The following GALNTL6 variants were observed in gnomAD, a reference collection of about 807,000 sequenced individuals.
GALNTL6 encodes the protein polypeptide N-acetylgalactosaminyltransferase-like 6.
Under a neutral mutation model 73.7 loss-of-function variants are expected in GALNTL6, and 46 were observed. The observed-to-expected ratio is 0.62, with a 90% CI of 0.49 to 0.80. The LOEUF (loss-of-function observed/expected upper bound fraction) is 0.80, where lower values mean the gene tolerates loss of function less well. Ranked by LOEUF, GALNTL6 falls within the 30% of genes least tolerant of loss-of-function variation. The pLI is 0.00. For missense variants in GALNTL6, 604 were observed against 755.0 expected, an observed-to-expected ratio of 0.80 and a Z score of 2.34; for synonymous variants, 259 against 263.7, an observed-to-expected ratio of 0.98 and a Z score of 0.17.
rs553524858 is a variant in GALNTL6, at chr4:172,746,495, A to G, written c.554-62866A>G. Among the ~76,000 whole-genome samples, 15 of 152,088 alleles carry G rather than the reference A, an allele frequency of 9.9e-5. No individual in the cohort carries two copies. The South Asian group carries it at 3.1e-3, about 32-fold the overall frequency. On this transcript the variant is annotated intron_variant, in intron 5 of 12. Coordinates refer to ENST00000506823, the MANE Select transcript of GALNTL6 (RefSeq NM_001034845.3). ...TTTATAGTATCTAAGCCTTTTTCTCAATGTTTCTAAGTCTCCATTTTTATT... is the reference window on the plus strand; with the variant it reads ...TTTATAGTATCTAAGCCTTTTTCTCGATGTTTCTAAGTCTCCATTTTTATT...
At chr4:172,844,877 A>C (rs542370141) in intron 7 of GALNTL6, among the ~76,000 whole-genome samples, 11 of 152,330 alleles carry the variant, frequency 7.2e-5, no homozygotes, top group African/African-American at 2.6e-4. Flanking sequence ...AAAGAAAAAA[A>C]GTCCTCATTC....
chr4:172,670,489 T>C (rs1007300568), intron 5 of GALNTL6, among the ~76,000 whole-genome samples: 1 of 152,196 alleles, frequency 6.6e-6, no homozygotes, highest in Non-Finnish European at 1.5e-5. Flanking sequence ...ACTCTTTTTA[T>C]GGTGTTGTTT....
At chr4:171,831,368 T>G (rs1163615551) in intron 2 of GALNTL6, among the ~76,000 whole-genome samples, 1 of 151,848 alleles carries the variant, frequency 6.6e-6, no homozygotes, top group Non-Finnish European at 1.5e-5. Context: ...TGGGGAAAAA[T>G]GTCTTACTGT....
chr4:172,647,107 C>T (rs1450241081), intron 5 of GALNTL6, among the ~76,000 whole-genome samples: 1 of 151,988 alleles, frequency 6.6e-6, no homozygotes, highest in Admixed American at 6.6e-5. Context: ...TTTTGTTATT[C>T]ACCACACAAG....
intron 2 of GALNTL6, among the ~76,000 whole-genome samples, chr4:172,182,618 G>GT (rs1253374422): frequency 6.7e-6 from 1 of 150,178 alleles, no homozygotes; most frequent in African/African-American, 2.4e-5. Flanking sequence ...ACTCCCCTGA[G>GT]GGAATATCCA....
chr4:172,495,786 A>T (rs558794112), intron 5 of GALNTL6, among the ~76,000 whole-genome samples: 1 of 152,258 alleles, frequency 6.6e-6, no homozygotes, highest in South Asian at 2.1e-4. Flanking sequence ...GCTTCTATTG[A>T]TGTTAAGGTT....
rs1736511368 is a variant in GALNTL6, at chr4:172,216,844, G to T, written c.139-12812G>T. Reference sequence around the variant, plus strand: ...GTTTTATACAGTTTAAGGAGGCATGGGACATCAATCAAGGACATTTAAGAA... The same window carrying T: ...GTTTTATACAGTTTAAGGAGGCATGTGACATCAATCAAGGACATTTAAGAA... On this transcript the variant is annotated intron_variant, in intron 2 of 12. Transcript: ENST00000506823. Among the ~76,000 whole-genome samples the T allele has an allele frequency of 2.0e-5, 3 of 152,154 alleles. No homozygotes were observed. In the South Asian group the frequency reaches 6.2e-4, roughly 32 times the overall value.
chr4:172,945,168 A>T (rs748320136), intron 9 of GALNTL6, among the ~76,000 whole-genome samples: 2 of 152,204 alleles, frequency 1.3e-5, no homozygotes, highest in Non-Finnish European at 2.9e-5. Context: ...GCCAGACAAA[A>T]AGAGCACATA....
intron 5 of GALNTL6, among the ~76,000 whole-genome samples, chr4:172,688,444 T>C (rs981127698): frequency 1.3e-5 from 2 of 152,172 alleles, no homozygotes; most frequent in Non-Finnish European, 2.9e-5. Context: ...GTTTTCTTCT[T>C]GAGAAGAGGA....
chr4:172,832,422 T>G (rs1560981998), intron 7 of GALNTL6, among the ~76,000 whole-genome samples: 1 of 152,228 alleles, frequency 6.6e-6, no homozygotes, highest in Non-Finnish European at 1.5e-5. Context: ...TTTTGGAGAC[T>G]CTAAAGGTCT....
chr4:173,015,289 CTGAAAA>C (rs1752734450), intron 11 of GALNTL6, among the ~76,000 whole-genome samples: 1 of 152,070 alleles, frequency 6.6e-6, no homozygotes, highest in Non-Finnish European at 1.5e-5. Flanking sequence ...ATAAGGATAC[CTGAAAA>C]TGTGGCAGCA....
chr4:172,752,746 C>CT (rs1248239722), intron 5 of GALNTL6, among the ~76,000 whole-genome samples: 1 of 151,946 alleles, frequency 6.6e-6, no homozygotes, highest in Non-Finnish European at 1.5e-5. Flanking sequence ...CTTTTGATTA[C>CT]TTTTTATTAT....
intron 5 of GALNTL6, among the ~76,000 whole-genome samples, chr4:172,378,580 T>C (rs1022729386): frequency 2.0e-5 from 3 of 152,132 alleles, no homozygotes; most frequent in Admixed American, 2.0e-4. Flanking sequence ...GAAAGATGTT[T>C]GGTTTTGTTG....
intron 5 of GALNTL6, among the ~76,000 whole-genome samples, chr4:172,796,990 A>G (rs1355985739): frequency 6.6e-6 from 1 of 152,188 alleles, no homozygotes; most frequent in Non-Finnish European, 1.5e-5. Flanking sequence ...GTTATTGGTG[A>G]CATTATTAAA....
intron 2 of GALNTL6, among the ~76,000 whole-genome samples, chr4:171,918,840 TGACA>T (rs1250696002): frequency 6.6e-6 from 1 of 152,076 alleles, no homozygotes; most frequent in Non-Finnish European, 1.5e-5. Flanking sequence ...ATATGAGACA[TGACA>T]GTTGAAACTT....
chr4:172,173,125 A>G (rs896637413), intron 2 of GALNTL6, among the ~76,000 whole-genome samples: 1 of 152,220 alleles, frequency 6.6e-6, no homozygotes, highest in Non-Finnish European at 1.5e-5. Flanking sequence ...AAGGTAGAAG[A>G]TATTACAATT....
At position 172,477,407 on chromosome 4, in the gene GALNTL6, G is replaced by A. The variant is rs146860065; in HGVS notation, c.553+128718G>A. On this transcript the variant is annotated intron_variant, in intron 5 of 12. Coordinates refer to ENST00000506823, the MANE Select transcript of GALNTL6 (RefSeq NM_001034845.3). ...TAGTAGATTTGATTATCTTTCTTGCGTTATAAGAAGTTTAGACAGGCTTCA... is the reference window on the plus strand; with the variant it reads ...TAGTAGATTTGATTATCTTTCTTGCATTATAAGAAGTTTAGACAGGCTTCA... 4.7e-3 allele frequency among the ~76,000 whole-genome samples: 709 copies of A among 152,182 alleles called. 4 individuals are homozygous for A. The highest frequency in any genetic ancestry group is 0.011 in the East Asian group (56 of 5,176).
chr4:172,074,238 T>C (rs1024078732), intron 2 of GALNTL6, among the ~76,000 whole-genome samples: 4 of 152,220 alleles, frequency 2.6e-5, no homozygotes, highest in African/African-American at 9.6e-5. Context: ...ATGTTCATTG[T>C]TAATCCTATA....
intron 7 of GALNTL6, among the ~76,000 whole-genome samples, chr4:172,865,162 A>G (rs1473852143): frequency 6.6e-6 from 1 of 152,226 alleles, no homozygotes; most frequent in Non-Finnish European, 1.5e-5. Context: ...TATCTATATC[A>G]AGGACAAGGA....
Sources: allele counts gnomAD v4.1 joint callset (sites outside exome capture counted in the v4.1 genomes callset), GRCh38; gene constraint gnomAD v4.1.1; transcripts MANE v1.5; gene names NCBI Gene and HGNC (gene_info 2026-07-23, HGNC 2026-07-21).